The following RIMBP2 variants were observed in gnomAD, a reference collection of about 807,000 sequenced individuals.
RIMBP2 encodes the protein RIMS-binding protein 2.
Under a neutral mutation model 118.6 loss-of-function variants are expected in RIMBP2, and 48 were observed. The observed-to-expected ratio is 0.40, with a 90% CI of 0.32 to 0.51. RIMBP2 has a LOEUF of 0.51. RIMBP2 is among the 20% of genes least tolerant of loss of function. The pLI is 0.41. For synonymous variants in RIMBP2, 762 were observed against 742.9 expected (o/e 1.03, Z -0.42); for missense variants, 1,551 against 1,768.3 (o/e 0.88, Z 2.20).
chr12:130,652,638 A>G (rs769144321), intron 1 of RIMBP2, among the ~76,000 whole-genome samples: 6 of 152,164 alleles, frequency 3.9e-5, no homozygotes, highest in Non-Finnish European at 5.9e-5. Context: ...AGGTTTTGCC[A>G]TATGTATTAT....
At chr12:130,567,297 C>T (rs1313823989) in intron 2 of RIMBP2, among the ~76,000 whole-genome samples, 1 of 152,142 alleles carries the variant, frequency 6.6e-6, no homozygotes, top group African/African-American at 2.4e-5. Context: ...TGGCAGCTGG[C>T]GTATGCACCA....
chr12:130,543,461 G>A (rs1265139043), intron 2 of RIMBP2, among the ~76,000 whole-genome samples: 2 of 152,128 alleles, frequency 1.3e-5, no homozygotes, highest in East Asian at 1.9e-4. Flanking sequence ...CATACCAACC[G>A]TATTGCTGCA....
chr12:130,412,209 A>G (rs1024635657), intron 19 of RIMBP2, among the ~76,000 whole-genome samples: 3 of 152,230 alleles, frequency 2.0e-5, no homozygotes, highest in African/African-American at 7.2e-5. Context: ...TGCCTCTTGG[A>G]TAAGCAAAGG....
intron 1 of RIMBP2, chr12:130,669,333 A>G (rs1266053049): frequency 6.6e-6 from 1 of 152,212 alleles, no homozygotes; most frequent in African/African-American, 2.4e-5. Context: ...GATAAGACCC[A>G]AGGGAAGACA....
At chr12:130,712,981 C>T (rs552837661) in intron 1 of RIMBP2, among the ~76,000 whole-genome samples, 1 of 151,560 alleles carries the variant, frequency 6.6e-6, no homozygotes, top group Non-Finnish European at 1.5e-5. Flanking sequence ...TGGATCCACA[C>T]AGGAGCGTGG....
intron 2 of RIMBP2, among the ~76,000 whole-genome samples, chr12:130,619,987 G>A (rs1056034847): frequency 2.5e-4 from 38 of 152,226 alleles, no homozygotes; most frequent in East Asian, 7.7e-4. Flanking sequence ...GGTGTGCGAC[G>A]CTGTGCTGAA....
At chr12:130,648,644 T>C (rs1279714152) in intron 1 of RIMBP2, among the ~76,000 whole-genome samples, 3 of 144,260 alleles carry the variant, frequency 2.1e-5, no homozygotes, top group African/African-American at 7.5e-5. Flanking sequence ...TTAAAAACTA[T>C]CTAAAATTAG....
chr12:130,615,277 A>ATATATATATATATATATG (rs1491555977), intron 2 of RIMBP2, among the ~76,000 whole-genome samples: 1 of 33,884 alleles, frequency 3.0e-5, no homozygotes, highest in East Asian at 1.6e-3. Context: ...ATACACATAC[A>ATATATATATATATATATG]TATATATATA....
In RIMBP2 at chr12:130,422,938, C is replaced by T; in HGVS notation, c.3130-377G>A. ...CCTCTTAGTCTCCACATGCCCCCCT[C>T]CCAGCTGTCACGAAAGTGGGGAAGA... On this transcript the variant is annotated intron_variant, in intron 16 of 22. Transcript: ENST00000690449. This position sits in a 1 kb window ranked among gnomAD's most constrained non-coding sequence, Gnocchi z 5.2. Among the ~76,000 whole-genome samples the T allele has an allele frequency of 6.6e-6, 1 of 152,178 alleles. No individual in the cohort carries two copies. The highest frequency in any genetic ancestry group is 6.5e-5 in the Admixed American group (1 of 15,284).
intron 1 of RIMBP2, among the ~76,000 whole-genome samples, chr12:130,638,585 G>T (rs544633351): frequency 6.6e-6 from 1 of 152,094 alleles, no homozygotes; most frequent in African/African-American, 2.4e-5. Context: ...CTATGCATGC[G>T]AGGGATCTGG....
chr12:130,535,958 G>A (rs566012009), intron 2 of RIMBP2, among the ~76,000 whole-genome samples: 2 of 151,552 alleles, frequency 1.3e-5, no homozygotes, highest in South Asian at 4.2e-4. Context: ...TTTTGTTGTT[G>A]TTGTATTTTT....
chr12:130,532,046 T>C (rs370167878), intron 2 of RIMBP2, among the ~76,000 whole-genome samples: 1 of 102,750 alleles, frequency 9.7e-6, no homozygotes, highest in Non-Finnish European at 2.0e-5. Context: ...GAGATGCGTA[T>C]GTTTAGCCTC....
In RIMBP2 at chr12:130,400,568, C is replaced by G. The variant is rs1173979478; in HGVS notation, c.3766-755G>C. ...GCCCATAAAGTGCCTAAACCAAGTT[C>G]AAAATTGGCTGGCTCTGGGCAACAC... is the stretch of plus-strand genomic sequence containing the variant. On this transcript the variant is annotated intron_variant, in intron 21 of 22. Transcript: ENST00000690449. Among the ~76,000 whole-genome samples, 4 of 152,242 alleles carry G rather than the reference C, an allele frequency of 2.6e-5. No homozygotes were observed. In the East Asian group the frequency reaches 7.7e-4, roughly 29 times the overall value.
At chr12:130,496,741 C>G (rs1202920043) in intron 4 of RIMBP2, among the ~76,000 whole-genome samples, 1 of 152,182 alleles carries the variant, frequency 6.6e-6, no homozygotes, top group Non-Finnish European at 1.5e-5. Flanking sequence ...CTTTCTCTCA[C>G]CTGCAGGCCA....
intron 2 of RIMBP2, among the ~76,000 whole-genome samples, chr12:130,524,874 G>C (rs993125344): frequency 6.6e-6 from 1 of 152,178 alleles, no homozygotes; most frequent in African/African-American, 2.4e-5. Context: ...TTCTGGCTTG[G>C]GGCTGCAGAG....
intron 1 of RIMBP2, among the ~76,000 whole-genome samples, chr12:130,696,603 C>T (rs1049955369): frequency 2.0e-5 from 3 of 152,156 alleles, no homozygotes; most frequent in Non-Finnish European, 2.9e-5. Context: ...GTTCACAAAG[C>T]GATCACTGTG....
At chr12:130,562,503 T>A (rs1354080710) in intron 2 of RIMBP2, among the ~76,000 whole-genome samples, 2 of 152,240 alleles carry the variant, frequency 1.3e-5, no homozygotes, top group Non-Finnish European at 2.9e-5. Context: ...CAGTCACCTT[T>A]GCTTGACAGC....
chr12:130,398,531 C>T (rs1465398997), intron 22 of RIMBP2: 2 of 152,578 alleles, frequency 1.3e-5, no homozygotes, highest in Non-Finnish European at 2.9e-5. Context: ...ATTGGTATAC[C>T]AACAACAAAC....
intron 1 of RIMBP2, among the ~76,000 whole-genome samples, chr12:130,671,480 C>A (rs1040436254): frequency 6.6e-6 from 1 of 152,160 alleles, no homozygotes; most frequent in Non-Finnish European, 1.5e-5. Flanking sequence ...GGATTTAAGC[C>A]GCATGAGAAC....
Sources: gnomAD v4.1 joint callset for allele counts (sites outside exome capture counted in the v4.1 genomes callset) on GRCh38, gnomAD v4.1.1 for gene constraint, Gnocchi (gnomAD v3.1) non-coding constraint, MANE v1.5 for transcripts, NCBI Gene and HGNC (gene_info 2026-07-23, HGNC 2026-07-21) for gene names.